DCC: variants seen among roughly 807,000 people sequenced by gnomAD.
DCC encodes the protein DCC netrin 1 receptor.
Under a neutral mutation model 172.5 loss-of-function variants are expected in DCC, and 58 were observed. The observed-to-expected ratio is 0.34, with a 90% CI of 0.27 to 0.42. The LOEUF is 0.42. DCC is among the 10% of genes least tolerant of loss of function. The pLI, the probability that DCC is intolerant of heterozygous loss-of-function variation, is 1.00. For synonymous variants in DCC, 709 were observed against 644.5 expected (o/e 1.10, Z -1.52); for missense variants, 1,740 against 1,791.0 (o/e 0.97, Z 0.51).
intron 1 of DCC, among the ~76,000 whole-genome samples, chr18:52,495,137 T>A (rs988689208): frequency 6.6e-6 from 1 of 152,116 alleles, no homozygotes; most frequent in African/African-American, 2.4e-5. Context: ...AATCCTTGTC[T>A]CCGTCACCAA....
chr18:52,844,412 T>C (rs2038853757), intron 2 of DCC, among the ~76,000 whole-genome samples: 1 of 152,100 alleles, frequency 6.6e-6, no homozygotes. Context: ...TTTAGGAAAA[T>C]CATCTTTACC....
chr18:52,745,159 T>C (rs759655327), intron 1 of DCC, among the ~76,000 whole-genome samples: 10 of 152,204 alleles, frequency 6.6e-5, no homozygotes. Flanking sequence ...AAGAGAAATA[T>C]ATAATAAATA....
rs181724019 is a variant in DCC, at chr18:52,869,058, T to G, written c.413-36986T>G. Among the ~76,000 whole-genome samples, 645 of 152,338 alleles carry G rather than the reference T, an allele frequency of 4.2e-3. 23 individuals are homozygous for G. Among genetic ancestry groups the G allele is most frequent in the Admixed American group, 0.039 (591 of 15,304 alleles). On this transcript the variant is annotated intron_variant, in intron 2 of 28. Transcript: ENST00000442544. ...AGCCCTGGCTCTTGAAGCTCCCAGG[T>G]CTGGGATCCCCAAAGGGTCACAGCT... is the stretch of plus-strand genomic sequence containing the variant.
intron 2 of DCC, among the ~76,000 whole-genome samples, chr18:52,756,572 C>T (rs1373872190): frequency 6.6e-6 from 1 of 152,190 alleles, no homozygotes; most frequent in Non-Finnish European, 1.5e-5. Context: ...CTATTGAAAA[C>T]TTTGTGATTA....
intron 1 of DCC, among the ~76,000 whole-genome samples, chr18:52,464,535 A>C (rs886459470): frequency 6.6e-6 from 1 of 152,206 alleles, no homozygotes; most frequent in Non-Finnish European, 1.5e-5. Context: ...GATAGGGAGC[A>C]ACGCAAAGCG....
chr18:53,512,531 C>T (rs2144542111), intron 27 of DCC, among the ~76,000 whole-genome samples: 1 of 146,230 alleles, frequency 6.8e-6, no homozygotes, highest in Admixed American at 6.8e-5. Context: ...GGAGGACATT[C>T]AAACCAAAGG....
In DCC at chr18:52,906,281, C is replaced by A; in HGVS notation, c.650C>A (p.Pro217Gln). Residue 217 changes from proline to glutamine, a missense_variant, in exon 3 of 29, where the codon CCA becomes CAA. By Grantham distance (76) the Pro-to-Gln change is moderately conservative (BLOSUM62 -1). Transcript: ENST00000442544. ...IGIYRCSARNPASSRTGNEAE... is the reference protein window; with the variant it reads ...IGIYRCSARNQASSRTGNEAE... ...ATTTACCGATGCTCAGCTCGAAATCCAGCCAGCTCAAGAACAGGAAATGAA... is the reference window on the plus strand; with the variant it reads ...ATTTACCGATGCTCAGCTCGAAATCAAGCCAGCTCAAGAACAGGAAATGAA... 1 of 1,614,034 alleles carries A rather than the reference C, an allele frequency of 6.2e-7. No homozygotes were observed. Among genetic ancestry groups the A allele is most frequent in the Non-Finnish European group, 8.5e-7 (1 of 1,180,034 alleles).
chr18:52,755,133 A>C (rs2037058640), intron 2 of DCC, among the ~76,000 whole-genome samples: 1 of 152,218 alleles, frequency 6.6e-6, no homozygotes, highest in South Asian at 2.1e-4. Context: ...AAAGGGGACA[A>C]TTTGACTTTC....
Position 52,810,501 on chromosome 18 carries a change from A to C in DCC, c.412+58127A>C, listed in dbSNP as rs76834848. On this transcript the variant is annotated intron_variant, in intron 2 of 28. Transcript: ENST00000442544. ...ATATTGAACGGTGAGGAGGGCAAAG[A>C]AGAATTTTAGTGCATGATGAGACAG... 4.9e-3 allele frequency among the ~76,000 whole-genome samples: 745 copies of C among 152,312 alleles called. 22 individuals are homozygous for C. The highest frequency in any genetic ancestry group is 0.033 in the Admixed American group (511 of 15,306).
chr18:53,395,695 T>G (rs183239032), intron 17 of DCC, among the ~76,000 whole-genome samples: 1 of 152,314 alleles, frequency 6.6e-6, no homozygotes. Context: ...CAGGCTGGAG[T>G]GCAATGGCCT....
intron 1 of DCC, among the ~76,000 whole-genome samples, chr18:52,378,513 C>T (rs1431785): frequency 0.47 from 70,750 of 151,878 alleles, 17,252 homozygotes; most frequent in African/African-American, 0.62. Context: ...GCAAGATACA[C>T]AGCCATGAAA....
At chr18:52,665,652 G>C (rs909789524) in intron 1 of DCC, among the ~76,000 whole-genome samples, 8 of 152,162 alleles carry the variant, frequency 5.3e-5, no homozygotes, top group Middle Eastern at 3.2e-3. Flanking sequence ...GTATAGGGAG[G>C]AAGTAGCTTA....
intron 12 of DCC, among the ~76,000 whole-genome samples, chr18:53,282,684 C>CA (rs1400161088): frequency 6.6e-6 from 1 of 152,056 alleles, no homozygotes; most frequent in African/African-American, 2.4e-5. Flanking sequence ...CTTTTAAGGA[C>CA]AATTTTTAAA....
chr18:53,064,613 A>G (rs778964068), intron 6 of DCC, among the ~76,000 whole-genome samples: 3 of 152,172 alleles, frequency 2.0e-5, no homozygotes, highest in African/African-American at 7.2e-5. Context: ...ATGTTGGCCT[A>G]CTATAAAGGT....
intron 19 of DCC, among the ~76,000 whole-genome samples, chr18:53,403,534 A>G (rs1909454448): frequency 6.6e-6 from 1 of 152,212 alleles, no homozygotes; most frequent in Admixed American, 6.5e-5. Flanking sequence ...TGAAAAATAT[A>G]ATGGAGTTCT....
intron 22 of DCC, among the ~76,000 whole-genome samples, chr18:53,445,250 A>C (rs1391731253): frequency 6.6e-6 from 1 of 152,224 alleles, no homozygotes; most frequent in East Asian, 1.9e-4. Flanking sequence ...TCAAATTCAA[A>C]TGCTTATAAA....
intron 2 of DCC, among the ~76,000 whole-genome samples, chr18:52,833,829 TA>T (rs201150843): frequency 6.6e-6 from 1 of 152,156 alleles, no homozygotes; most frequent in Non-Finnish European, 1.5e-5. Context: ...CCTAGCTAAT[TA>T]AAAAAAATTT....
Position 53,393,918 on chromosome 18 carries a change from T to TCTCC in DCC, c.2688+2045_2688+2048dup, listed in dbSNP as rs1555664155. ...ACTATTCCCTCTCTCTCTCTCCCTC[T>TCTCC]CTCCCTCCCTCCCTCCCCCTATATA... On this transcript the variant is annotated intron_variant, in intron 17 of 28. Coordinates refer to ENST00000442544, the MANE Select transcript of DCC (RefSeq NM_005215.4). 4.2e-4 allele frequency among the ~76,000 whole-genome samples: 64 copies of TCTCC among 151,736 alleles called. 1 individual carries two copies. Among genetic ancestry groups the TCTCC allele is most frequent in the African/African-American group, 1.5e-3 (60 of 41,348 alleles).
chr18:53,443,544 A>G (rs558314039), intron 22 of DCC, among the ~76,000 whole-genome samples: 6 of 152,344 alleles, frequency 3.9e-5, no homozygotes, highest in Admixed American at 1.3e-4. Context: ...TGCTAACACA[A>G]CATCCATTCT....
Sources: allele counts gnomAD v4.1 joint callset (sites outside exome capture counted in the v4.1 genomes callset), GRCh38; gene constraint gnomAD v4.1.1; transcripts MANE v1.5; gene names NCBI Gene and HGNC (gene_info 2026-07-23, HGNC 2026-07-21).